AP3S1: variants seen among roughly 807,000 people sequenced by gnomAD.
AP3S1 encodes AP-3 complex subunit sigma-1.
AP3S1 carries 12 observed loss-of-function variants against 21.3 expected under a neutral mutation model. The observed-to-expected ratio is 0.56, with a 90% confidence interval of 0.36 to 0.91. The LOEUF is 0.91. Among genes scored for constraint, AP3S1 ranks in the 40% least tolerant of loss-of-function variants. AP3S1 has a pLI of 0.01. For synonymous variants in AP3S1, 48 were observed against 78.4 expected, an observed-to-expected ratio of 0.61 and a Z score of 2.05; for missense variants, 116 against 225.0, an observed-to-expected ratio of 0.52 and a Z score of 3.10.
chr5:115,869,930 T>G, intron 2 of AP3S1, 87 bp from the exon 3 acceptor site: 1 of 791,788 alleles, frequency 1.3e-6, no homozygotes, highest in Non-Finnish European at 1.9e-6. Flanking sequence ...TGACAAGTGG[T>G]TTTTAAACAA....
At chr5:115,882,963 G>T (rs1379848648) in intron 3 of AP3S1, among the ~76,000 whole-genome samples, 1 of 152,190 alleles carries the variant, frequency 6.6e-6, no homozygotes, top group East Asian at 1.9e-4. Flanking sequence ...GGTGGGCTCT[G>T]CCCAGTTTGA....
chr5:115,876,029 T>A (rs1748683651), intron 3 of AP3S1, among the ~76,000 whole-genome samples: 1 of 152,184 alleles, frequency 6.6e-6, no homozygotes, highest in Non-Finnish European at 1.5e-5. Context: ...TTAGCAGTTC[T>A]TTTAGGAGGC....
intron 3 of AP3S1, 90 bp downstream of exon 3, chr5:115,870,218 TGTTA>T: frequency 1.3e-6 from 1 of 781,172 alleles, no homozygotes; most frequent in Non-Finnish European, 2.0e-6. Flanking sequence ...TCTAAAATGA[TGTTA>T]GTAAGAAATA....
At chr5:115,877,194 A>T (rs774781692) in intron 3 of AP3S1, among the ~76,000 whole-genome samples, 3 of 151,892 alleles carry the variant, frequency 2.0e-5, no homozygotes, top group South Asian at 2.1e-4. Context: ...ATATATATAT[A>T]TTTTTATTGT....
At chr5:115,895,618 GACTTTGA>G (rs1750698174) in intron 4 of AP3S1, among the ~76,000 whole-genome samples, 1 of 152,158 alleles carries the variant, frequency 6.6e-6, no homozygotes, top group African/African-American at 2.4e-5. Flanking sequence ...TTAATGCCAT[GACTTTGA>G]ACTTTATTGT....
chr5:115,909,943 G>T (rs181321954), intron 5 of AP3S1, among the ~76,000 whole-genome samples: 1 of 152,134 alleles, frequency 6.6e-6, no homozygotes, highest in Non-Finnish European at 1.5e-5. Flanking sequence ...TAATAAAAGA[G>T]AACAGTTATA....
chr5:115,891,207 T>G (rs749174075), intron 3 of AP3S1, among the ~76,000 whole-genome samples: 2 of 152,212 alleles, frequency 1.3e-5, no homozygotes, highest in Non-Finnish European at 2.9e-5. Context: ...ATCTCACTTG[T>G]GGCTGACCTG....
rs184685661 is a variant in AP3S1, at chr5:115,855,310, A to G, written c.70-11360A>G. 2.6e-3 allele frequency among the ~76,000 whole-genome samples: 390 copies of G among 152,122 alleles called. 2 individuals are homozygous for G. The highest frequency in any genetic ancestry group is 9.1e-3 in the African/African-American group (377 of 41,496). On this transcript the variant is annotated intron_variant, in intron 1 of 5. Coordinates refer to ENST00000316788, the MANE Select transcript of AP3S1 (RefSeq NM_001284.4). ...TGCGTTGGCCTCCCAGAGTGCTGGA[A>G]TTACAGGCGTGAGCCACCGTGCCTA... is the stretch of plus-strand genomic sequence containing the variant.
chr5:115,892,038 A>C (rs1391622846), intron 3 of AP3S1, among the ~76,000 whole-genome samples: 1 of 152,244 alleles, frequency 6.6e-6, no homozygotes, highest in Non-Finnish European at 1.5e-5. Flanking sequence ...AAGACATACA[A>C]ATGCCAAACA....
Position 115,894,553 on chromosome 5 carries a change from GA to G in AP3S1, c.274-533del, listed in dbSNP as rs560070371. 1.3e-3 allele frequency among the ~76,000 whole-genome samples: 193 copies of G among 152,334 alleles called. 1 individual carries two copies. The highest frequency in any genetic ancestry group is 4.2e-3 in the African/African-American group (176 of 41,574). ...AGAGTTTGAGCAACGCAAGCCTGCT[GA>G]GGTGACTCTTCCCACGAGGTCATAC... On this transcript the variant is annotated intron_variant, in intron 3 of 5. Coordinates refer to ENST00000316788, the MANE Select transcript of AP3S1 (RefSeq NM_001284.4).
At chr5:115,877,635 A>G (rs918659919) in intron 3 of AP3S1, among the ~76,000 whole-genome samples, 2 of 152,174 alleles carry the variant, frequency 1.3e-5, no homozygotes, top group African/African-American at 4.8e-5. Context: ...AGTCTTTGCT[A>G]TTGTGAACGG....
intron 5 of AP3S1, among the ~76,000 whole-genome samples, chr5:115,910,449 T>G (rs1279908086): frequency 2.0e-5 from 3 of 152,054 alleles, no homozygotes; most frequent in Admixed American, 6.6e-5. Flanking sequence ...CTGTAAGTTT[T>G]AGCGTTGAAA....
intron 5 of AP3S1, among the ~76,000 whole-genome samples, chr5:115,910,397 A>AG (rs1313486724): frequency 3.9e-5 from 6 of 152,268 alleles, no homozygotes; most frequent in Non-Finnish European, 5.9e-5. Flanking sequence ...ATTGCGGGTA[A>AG]GGGGGGACTA....
chr5:115,913,210 A>G (rs886274790), intron 5 of AP3S1, 152 bp from the exon 6 acceptor site: 3 of 609,168 alleles, frequency 4.9e-6, no homozygotes, highest in African/African-American at 3.8e-5. Flanking sequence ...TAGTATTTCA[A>G]AGTAACCATT....
intron 3 of AP3S1, among the ~76,000 whole-genome samples, chr5:115,888,919 T>C (rs1750029808): frequency 6.6e-6 from 1 of 152,134 alleles, no homozygotes. Context: ...TCCAGAAAAG[T>C]AAGTAGTTTT....
rs751761519 is a variant in AP3S1 at position 115,895,076 on chromosome 5, T to G, written c.274-11T>G. On this transcript the variant is annotated splice_polypyrimidine_tract_variant and intron_variant, in intron 3 of 5. Coordinates refer to ENST00000316788, the MANE Select transcript of AP3S1 (RefSeq NM_001284.4). ...TAAACAGTTCTTAAAACCTTTTTTC[T>G]TTTTCCATAGGTATTTGTGGAAACA... 6.3e-7 allele frequency: 1 copy of G among 1,582,056 alleles called. No homozygotes were observed.
At chr5:115,896,616 A>C (rs2112551367) in intron 4 of AP3S1, among the ~76,000 whole-genome samples, 1 of 152,106 alleles carries the variant, frequency 6.6e-6, no homozygotes. Context: ...TGGTCTCTAC[A>C]AAAAATACAA....
intron 3 of AP3S1, among the ~76,000 whole-genome samples, chr5:115,890,694 A>G (rs529206178): frequency 6.6e-6 from 1 of 152,354 alleles, no homozygotes; most frequent in South Asian, 2.1e-4. Context: ...ACTTTTAACT[A>G]TGATTTTCTA....
intron 1 of AP3S1, 23 bp from the exon 2 acceptor site, chr5:115,866,647 A>G (rs1028950724): frequency 2.0e-6 from 3 of 1,507,836 alleles, no homozygotes; most frequent in East Asian, 2.3e-5. Flanking sequence ...CCATCCTAAT[A>G]TATATGAATT....
Sources: allele counts gnomAD v4.1 joint callset (sites outside exome capture counted in the v4.1 genomes callset), GRCh38; gene constraint gnomAD v4.1.1; transcripts MANE v1.5; gene names NCBI Gene and HGNC (gene_info 2026-07-23, HGNC 2026-07-21).